The following CAST variants were observed in gnomAD, a reference collection of about 807,000 sequenced individuals.
CAST encodes the protein MIR583 host.
Under a neutral mutation model 119.6 loss-of-function variants are expected in CAST, and 76 were observed. That is an observed-to-expected ratio of 0.64 (90% CI 0.53 to 0.77). CAST has a LOEUF of 0.77. Among genes scored for constraint, CAST ranks in the 30% least tolerant of loss-of-function variants. The pLI is 0.00. For synonymous variants in CAST, 319 were observed against 331.6 expected, an observed-to-expected ratio of 0.96 and a Z score of 0.41; for missense variants, 953 against 946.5, an observed-to-expected ratio of 1.01 and a Z score of -0.09.
At chr5:96,091,223 G>A in the CAST span, among the ~76,000 whole-genome samples, 1 of 148,382 alleles carries the variant, frequency 6.7e-6, no homozygotes, top group African/African-American at 2.5e-5. Flanking sequence ...TTTTTTTTGA[G>A]ACAGACCCTC....
intron 1 of CAST, among the ~76,000 whole-genome samples, chr5:96,554,174 C>T (rs1247414597): frequency 6.6e-6 from 1 of 152,184 alleles, no homozygotes; most frequent in Admixed American, 6.5e-5. Flanking sequence ...ACTCCAGTAA[C>T]CAAAACAGCA....
chr5:96,290,018 GTA>G, the CAST span, among the ~76,000 whole-genome samples: 1 of 152,028 alleles, frequency 6.6e-6, no homozygotes, highest in Admixed American at 6.6e-5. Flanking sequence ...ATAGATGAAA[GTA>G]ATGATATTTT....
At chr5:96,433,631 T>C in the CAST span, among the ~76,000 whole-genome samples, 7 of 152,170 alleles carry the variant, frequency 4.6e-5, no homozygotes, top group African/African-American at 1.7e-4. Context: ...AGGATTCTTA[T>C]AATGGCCCTT....
the CAST span, among the ~76,000 whole-genome samples, chr5:96,513,430 C>T: frequency 1.3e-5 from 2 of 152,168 alleles, no homozygotes; most frequent in Non-Finnish European, 1.5e-5. Context: ...AGGGGTGATA[C>T]CCTTGACTAG....
chr5:96,628,631 G>A (rs760470843), intron 1 of CAST, among the ~76,000 whole-genome samples: 8 of 152,134 alleles, frequency 5.3e-5, no homozygotes, highest in Admixed American at 1.3e-4. Flanking sequence ...GTCCTTAAGC[G>A]ACATTCACCA....
intron 1 of CAST, among the ~76,000 whole-genome samples, chr5:96,532,838 A>G (rs1164495295): frequency 2.6e-5 from 4 of 152,052 alleles, no homozygotes; most frequent in African/African-American, 7.2e-5. Flanking sequence ...AATAAGAGCA[A>G]AACTCCATCT....
intron 1 of CAST, among the ~76,000 whole-genome samples, chr5:96,615,336 A>G (rs1164685728): frequency 6.6e-6 from 1 of 152,182 alleles, no homozygotes; most frequent in Admixed American, 6.5e-5. Flanking sequence ...ACAGGATGGC[A>G]TTTGGCAGTC....
chr5:96,048,480 C>T, the CAST span, among the ~76,000 whole-genome samples: 6 of 152,088 alleles, frequency 3.9e-5, no homozygotes, highest in Non-Finnish European at 8.8e-5. Context: ...TTCTAACTTG[C>T]ACAGCTGAAT....
chr5:96,203,109 G>A, the CAST span, among the ~76,000 whole-genome samples: 9 of 151,562 alleles, frequency 5.9e-5, no homozygotes, highest in African/African-American at 2.2e-4. Flanking sequence ...ATATGTGACT[G>A]TGTTTGATTT....
At chr5:96,348,065 G>A in the CAST span, among the ~76,000 whole-genome samples, 1 of 152,142 alleles carries the variant, frequency 6.6e-6, no homozygotes, top group African/African-American at 2.4e-5. Context: ...TCATTGAATT[G>A]GCAGATGCTG....
intron 14 of CAST, 60 bp downstream of exon 14, chr5:96,741,418 A>T (rs1295064230): frequency 2.0e-6 from 3 of 1,482,538 alleles, no homozygotes; most frequent in Non-Finnish European, 2.8e-6. Context: ...CTTTAAAAGA[A>T]TAACTTTTTA....
intron 1 of CAST, among the ~76,000 whole-genome samples, chr5:96,582,161 A>G (rs1746781699): frequency 6.6e-6 from 1 of 152,134 alleles, no homozygotes; most frequent in Non-Finnish European, 1.5e-5. Flanking sequence ...ATATGTCTAC[A>G]AATTAGGCAG....
the CAST span, chr5:96,429,123 C>A: frequency 2.5e-5 from 18 of 734,304 alleles, no homozygotes; most frequent in African/African-American, 3.6e-5. Context: ...AAAAAAACCA[C>A]ATTTGCAAAA....
the CAST span, among the ~76,000 whole-genome samples, chr5:95,987,958 C>A: frequency 6.6e-6 from 1 of 152,260 alleles, no homozygotes; most frequent in South Asian, 2.1e-4. Flanking sequence ...GCAGAAAGTT[C>A]TAGAGACTAG....
the CAST span, among the ~76,000 whole-genome samples, chr5:96,216,790 T>G: frequency 1.3e-5 from 2 of 152,202 alleles, no homozygotes. Flanking sequence ...CTTCATTTAT[T>G]TTTGAGAAAA....
At chr5:96,392,921 A>C in the CAST span, 1 of 1,422,980 alleles carries the variant, frequency 7.0e-7, no homozygotes, top group Admixed American at 1.7e-5. Flanking sequence ...TTCATGACAA[A>C]ACAACCACTT....
chr5:96,405,677 A>T, the CAST span, among the ~76,000 whole-genome samples: 1 of 152,176 alleles, frequency 6.6e-6, no homozygotes, highest in Non-Finnish European at 1.5e-5. Context: ...TCTCCAAAAG[A>T]AAAAGAAAAG....
chr5:95,964,187 T>C, the CAST span, among the ~76,000 whole-genome samples: 1 of 152,182 alleles, frequency 6.6e-6, no homozygotes, highest in Non-Finnish European at 1.5e-5. Context: ...AATCTAGCAG[T>C]GTCTTTTCAT....
the CAST span, among the ~76,000 whole-genome samples, chr5:96,069,407 G>GTGTC: frequency 2.0e-5 from 3 of 147,842 alleles, no homozygotes; most frequent in Non-Finnish European, 3.0e-5. Flanking sequence ...GTGTGTGTGT[G>GTGTC]TCTATGTGTG....
Sources: allele counts gnomAD v4.1 joint callset (sites outside exome capture counted in the v4.1 genomes callset), GRCh38; gene constraint gnomAD v4.1.1; transcripts MANE v1.5; gene names NCBI Gene and HGNC (gene_info 2026-07-23, HGNC 2026-07-21).